The following FBXL2 variants were observed in gnomAD, a reference collection of about 807,000 sequenced individuals.
FBXL2 encodes F-box/LRR-repeat protein 2.
A neutral mutation model predicts 69.2 loss-of-function variants in FBXL2; 38 were observed. The ratio of observed to expected loss-of-function variants is 0.55; its 90% confidence interval spans 0.42 to 0.72. The LOEUF is 0.72. Among genes scored for constraint, FBXL2 ranks in the 30% least tolerant of loss-of-function variants. The pLI, the probability that FBXL2 is intolerant of heterozygous loss-of-function variation, is 0.00. For missense variants in FBXL2, 354 were observed against 520.3 expected (o/e 0.68, Z 3.11); for synonymous variants, 192 against 201.3 (o/e 0.95, Z 0.39).
chr3:33,323,213 A>G (rs1287846079), intron 2 of FBXL2, among the ~76,000 whole-genome samples: 1 of 152,124 alleles, frequency 6.6e-6, no homozygotes, highest in African/African-American at 2.4e-5. Flanking sequence ...TAACTTTGCA[A>G]ATTTTTCCTC....
chr3:33,306,864 T>C (rs1432466333), intron 2 of FBXL2, among the ~76,000 whole-genome samples: 1 of 152,122 alleles, frequency 6.6e-6, no homozygotes, highest in East Asian at 1.9e-4. Flanking sequence ...CATTAATTTA[T>C]TGGGGCTGCA....
intron 2 of FBXL2, among the ~76,000 whole-genome samples, chr3:33,303,360 A>G (rs904742231): frequency 6.6e-6 from 1 of 151,934 alleles, no homozygotes; most frequent in African/African-American, 2.4e-5. Context: ...CATTTTCATT[A>G]CCTCCCTAAA....
At position 33,387,404 on chromosome 3, in the gene FBXL2, C is replaced by G. The variant is rs1411027042; in HGVS notation, c.*1796C>G. On this transcript the variant is annotated 3_prime_UTR_variant, in exon 15 of 15. Transcript: ENST00000484457. ...ATCACCTGAGGTCAGGAGTTTGAGACCAGCCTGGCCAACACAGTAAAACCC... is the reference window on the plus strand; with the variant it reads ...ATCACCTGAGGTCAGGAGTTTGAGAGCAGCCTGGCCAACACAGTAAAACCC... 1 of 151,874 alleles carries G rather than the reference C, an allele frequency of 6.6e-6. No homozygotes were observed. Among genetic ancestry groups the G allele is most frequent in the Non-Finnish European group, 1.5e-5 (1 of 67,998 alleles). 9.4% of individuals were successfully genotyped at this position (151,874 alleles called of 1,614,324 possible).
chr3:33,411,629 C>T, the FBXL2 span: 166 of 1,613,994 alleles, frequency 1.0e-4, no homozygotes, highest in Middle Eastern at 3.3e-4. Context: ...GAAATTCAAC[C>T]GCATTTAACT....
chr3:33,370,595 G>T (rs1463141618), intron 5 of FBXL2, among the ~76,000 whole-genome samples: 1 of 151,746 alleles, frequency 6.6e-6, no homozygotes, highest in Non-Finnish European at 1.5e-5. Context: ...CTGTTTTTAG[G>T]GTTTTCCTAT....
At chr3:33,382,473 T>A (rs13326976) in intron 13 of FBXL2, 1 of 152,250 alleles carries the variant, frequency 6.6e-6, no homozygotes, top group Non-Finnish European at 1.5e-5. Context: ...TTAAATGATA[T>A]GAATGGAATT....
chr3:33,322,063 G>GTT (rs2038270528), intron 2 of FBXL2, among the ~76,000 whole-genome samples: 5 of 108,086 alleles, frequency 4.6e-5, no homozygotes, highest in African/African-American at 2.1e-4. Flanking sequence ...GTGACTAGGT[G>GTT]ATTTTTTTTT....
chr3:33,400,349 C>G (rs189110180), intron 12 of FBXL2: 1 of 1,306,762 alleles, frequency 7.7e-7, no homozygotes, highest in East Asian at 2.6e-5. Context: ...AAACAAAACA[C>G]AGAAAGCCTC....
chr3:33,307,208 C>T lies in FBXL2; in HGVS notation c.65+9483C>T, dbSNP rs550165499. ...CACTGGTAACAATACAGATAGACAT[C>T]ATATGCCTGCTCATGCGATGTAGAG... On this transcript the variant is annotated intron_variant, in intron 2 of 14. Coordinates refer to ENST00000484457, the MANE Select transcript of FBXL2 (RefSeq NM_012157.5). Among the ~76,000 whole-genome samples the T allele has an allele frequency of 2.3e-4, 35 of 152,266 alleles. No homozygotes were observed. The South Asian group carries it at 3.5e-3, about 15-fold the overall frequency.
chr3:33,318,534 A>G (rs114262707), intron 2 of FBXL2, among the ~76,000 whole-genome samples: 1 of 152,160 alleles, frequency 6.6e-6, no homozygotes, highest in Admixed American at 6.5e-5. Context: ...AAGCAATTAT[A>G]TTACATAACA....
chr3:33,291,518 T>C lies in FBXL2; in HGVS notation c.4-6146T>C, dbSNP rs542100542. On this transcript the variant is annotated intron_variant, in intron 1 of 14. Coordinates refer to ENST00000484457, the MANE Select transcript of FBXL2 (RefSeq NM_012157.5). ...AATACATACATTTATTTTAAAAATA[T>C]GGACTATTTAAAGTAGAAATAATAA... Among the ~76,000 whole-genome samples, 11 of 152,258 alleles carry C rather than the reference T, an allele frequency of 7.2e-5. No individual in the cohort carries two copies. The East Asian group carries it at 1.9e-3, about 27-fold the overall frequency.
chr3:33,321,137 C>A (rs1180390608), intron 2 of FBXL2, among the ~76,000 whole-genome samples: 2 of 151,266 alleles, frequency 1.3e-5, no homozygotes, highest in East Asian at 3.9e-4. Context: ...TGGAAAAATC[C>A]CATCTCTACT....
At chr3:33,288,344 A>G (rs57630361) in intron 1 of FBXL2, among the ~76,000 whole-genome samples, 14,565 of 152,246 alleles carry the variant, frequency 0.096, 719 homozygotes, top group South Asian at 0.11. Flanking sequence ...AGCAGTGCGC[A>G]AACCGAGTAT....
chr3:33,321,859 T>G (rs2038252663), intron 2 of FBXL2, among the ~76,000 whole-genome samples: 1 of 152,072 alleles, frequency 6.6e-6, no homozygotes, highest in African/African-American at 2.4e-5. Flanking sequence ...GAAACAACCA[T>G]TGTATATGTA....
At position 33,387,651 on chromosome 3, in the gene FBXL2, G is replaced by GCCTT. The variant is rs2043541338; in HGVS notation, c.*2045_*2048dup. On this transcript the variant is annotated 3_prime_UTR_variant, in exon 15 of 15. Coordinates refer to ENST00000484457, the MANE Select transcript of FBXL2 (RefSeq NM_012157.5). ...CAAACAAACAAAACAAACCACCAGA[G>GCCTT]CCTTCTATACATGATTGATTTCTTT... The GCCTT allele has an allele frequency of 6.6e-6, 1 of 151,232 alleles. No homozygotes were observed. Among genetic ancestry groups the GCCTT allele is most frequent in the African/African-American group, 2.5e-5 (1 of 40,694 alleles). The allele number at this position is 151,232 out of a possible 1,614,324, so 9.4% of individuals were successfully genotyped here. A position where few individuals can be genotyped will look rare whatever the true frequency, so the allele number is the denominator to read the frequency against.
At chr3:33,378,799 C>T in intron 13 of FBXL2, 58 bp downstream of exon 13, 1 of 1,613,686 alleles carries the variant, frequency 6.2e-7, no homozygotes, top group Non-Finnish European at 8.5e-7. Context: ...GCCCTCCCAC[C>T]ACAACAAGAA....
Position 33,400,967 on chromosome 3 carries a change from C to T in FBXL2, n.1215-2267C>T, listed in dbSNP as rs763928694. Reference sequence around the variant, plus strand: ...TTTAGGAGAAAGATACTTACTTCACCAGAGGTCTGTGAAGCTCCATCTCCC... The same window carrying T: ...TTTAGGAGAAAGATACTTACTTCACTAGAGGTCTGTGAAGCTCCATCTCCC... On this transcript the variant is annotated intron_variant and non_coding_transcript_variant, in intron 12 of 12. Coordinates refer to the FBXL2 transcript ENST00000463736. The T allele has an allele frequency of 2.1e-5, 33 of 1,594,294 alleles. No homozygotes were observed. The highest frequency in any genetic ancestry group is 2.7e-5 in the Non-Finnish European group (32 of 1,173,304).
chr3:33,420,708 C>T, the FBXL2 span, among the ~76,000 whole-genome samples: 6 of 152,230 alleles, frequency 3.9e-5, no homozygotes, highest in African/African-American at 4.8e-5. Context: ...AGGATGATCT[C>T]GATCTCTCGA....
the FBXL2 span, chr3:33,409,190 T>C: frequency 4.4e-6 from 7 of 1,576,800 alleles, no homozygotes; most frequent in Non-Finnish European, 5.2e-6. Flanking sequence ...TAGACTAATA[T>C]GCAACCTTTG....
Sources: allele counts gnomAD v4.1 joint callset (sites outside exome capture counted in the v4.1 genomes callset), GRCh38; gene constraint gnomAD v4.1.1; transcripts MANE v1.5; gene names NCBI Gene and HGNC (gene_info 2026-07-23, HGNC 2026-07-21).